The following SLC22A23 variants were observed in gnomAD, a reference collection of about 807,000 sequenced individuals.
The protein encoded by SLC22A23 is ion transporter protein.
Under a neutral mutation model 61.0 loss-of-function variants are expected in SLC22A23, and 26 were observed. That is an observed-to-expected ratio of 0.43 (90% CI 0.31 to 0.59). The LOEUF (loss-of-function observed/expected upper bound fraction) is 0.59. Among genes scored for constraint, SLC22A23 ranks in the 20% least tolerant of loss-of-function variants. The probability of loss-of-function intolerance (pLI) is 0.11; values close to 1 mark genes in which losing one functional copy is unlikely to be tolerated. For synonymous variants in SLC22A23, 430 were observed against 413.9 expected (o/e 1.04, Z -0.47); for missense variants, 796 against 934.7 (o/e 0.85, Z 1.94).
intron 1 of SLC22A23, among the ~76,000 whole-genome samples, chr6:3,451,357 C>G (rs1772148306): frequency 6.6e-6 from 1 of 152,144 alleles, no homozygotes; most frequent in Non-Finnish European, 1.5e-5. Flanking sequence ...CCACCACGCC[C>G]AGCTAATTTT....
chr6:3,456,457 A>C lies in SLC22A23; in HGVS notation c.103T>G (p.Ser35Ala), dbSNP rs2127562917. ...CCCGCGCGTCCCCCGAGGGGCGCCG[A>C]GGCCGCCGCGTCCCCGGGCGGCAGG... The part of the protein sequence containing the change: ...GSLPPGDAAA[S>A]APLGGRAGPG... Residue 35 changes from serine to alanine, a missense_variant, in exon 1 of 10, where the codon TCG becomes GCG. Transcript: ENST00000406686. The surrounding 1 kb of genome is among the most constrained non-coding windows in gnomAD (Gnocchi z 7.1). The C allele has an allele frequency of 1.7e-6, 2 of 1,211,384 alleles. No individual in the cohort carries two copies. Among genetic ancestry groups the C allele is most frequent in the African/African-American group, 3.2e-5 (2 of 62,384 alleles). 75.0% of individuals were successfully genotyped at this position (1,211,384 alleles called of 1,614,324 possible). A position where few individuals can be genotyped will look rare whatever the true frequency, so the allele number is the denominator to read the frequency against.
rs755995132 is a variant in SLC22A23, at chr6:3,372,109, G to A, written c.913+38079C>T. On this transcript the variant is annotated intron_variant, in intron 3 of 9. Transcript: ENST00000406686. This position sits in a 1 kb window ranked among gnomAD's most constrained non-coding sequence, Gnocchi z 4.7. ...CATGCTTAAACAGCTAGAAGCATCCGTGCTGAGGCCATGAACCTGGGCAAC... is the reference window on the plus strand; with the variant it reads ...CATGCTTAAACAGCTAGAAGCATCCATGCTGAGGCCATGAACCTGGGCAAC... Among the ~76,000 whole-genome samples, 5 of 152,208 alleles carry A rather than the reference G, an allele frequency of 3.3e-5. No homozygotes were observed. Among genetic ancestry groups the A allele is most frequent in the Non-Finnish European group, 5.9e-5 (4 of 68,040 alleles).
Position 3,286,177 on chromosome 6 carries a change from C to T in SLC22A23, c.1546+682G>A, listed in dbSNP as rs1759984662. On this transcript the variant is annotated intron_variant, in intron 7 of 9. Transcript: ENST00000406686. This position sits in a 1 kb window ranked among gnomAD's most constrained non-coding sequence, Gnocchi z 4.2. Reference sequence around the variant, plus strand: ...GCAGTGCTGCGATCTCAGCTTACTGCAACCTCTGCCTCCCAAGTTCAAGTG... The same window carrying T: ...GCAGTGCTGCGATCTCAGCTTACTGTAACCTCTGCCTCCCAAGTTCAAGTG... Among the ~76,000 whole-genome samples, 1 of 151,540 alleles carries T rather than the reference C, an allele frequency of 6.6e-6. No homozygotes were observed. Among genetic ancestry groups the T allele is most frequent in the East Asian group, 1.9e-4 (1 of 5,174 alleles).
rs997005213 is a variant in SLC22A23, at chr6:3,404,904, T to C, written c.913+5284A>G. 2.6e-5 allele frequency among the ~76,000 whole-genome samples: 4 copies of C among 152,068 alleles called. No individual in the cohort carries two copies. The East Asian group carries it at 7.7e-4, about 29-fold the overall frequency. ...ATGGAGAGACCTCAATCTGCTCCGATTTCCCTGTTGTGCCCATCTGAACCT... is the reference window on the plus strand; with the variant it reads ...ATGGAGAGACCTCAATCTGCTCCGACTTCCCTGTTGTGCCCATCTGAACCT... On this transcript the variant is annotated intron_variant, in intron 3 of 9. Coordinates refer to ENST00000406686, the MANE Select transcript of SLC22A23 (RefSeq NM_015482.2).
intron 1 of SLC22A23, chr6:3,444,742 T>A (rs1771796536): frequency 1.1e-6 from 1 of 950,882 alleles, no homozygotes; most frequent in Non-Finnish European, 1.3e-6. Flanking sequence ...CTTAGACACA[T>A]AAACCCTGTA....
At chr6:3,287,674 TG>T (rs147779042) in intron 6 of SLC22A23, among the ~76,000 whole-genome samples, 3,286 of 61,450 alleles carry the variant, frequency 0.053, 119 homozygotes, top group African/African-American at 0.11. Context: ...CACAGGAAAC[TG>T]TTTTTTTTTT....
At chr6:3,418,049 T>C (rs1769849589) in intron 1 of SLC22A23, among the ~76,000 whole-genome samples, 1 of 152,224 alleles carries the variant, frequency 6.6e-6, no homozygotes, top group Admixed American at 6.5e-5. Flanking sequence ...TAAATCACAG[T>C]GGGTGCACAT....
Position 3,283,940 on chromosome 6 carries a change from C to T in SLC22A23, c.1615G>A (p.Ala539Thr), listed in dbSNP as rs149762554. 45 of 1,607,736 alleles carry T rather than the reference C, an allele frequency of 2.8e-5. No homozygotes were observed. The African/African-American group carries it at 4.7e-4, about 17-fold the overall frequency. Reference protein sequence around the residue: ...SDSVKDKFSIAFSIVGMFASH... With the variant: ...SDSVKDKFSITFSIVGMFASH... The stretch of plus-strand genomic sequence containing the variant: ...GCAAACATGCCCACGATGGAAAACG[C>T]GATGGAAAATTTGTCCTTGACGCTG... The change falls in exon 9 of 10, where the codon GCG becomes ACG. Residue 539 changes from alanine to threonine, a missense_variant. Transcript: ENST00000406686.
chr6:3,296,357 C>T lies in SLC22A23; in HGVS notation c.1210+1734G>A, dbSNP rs114890064. 8.7e-3 allele frequency among the ~76,000 whole-genome samples: 1,331 copies of T among 152,346 alleles called. 26 individuals are homozygous for T. The highest frequency in any genetic ancestry group is 0.029 in the African/African-American group (1,195 of 41,582). ...TTTGCACCCCTGCTGGACAAGTCCT[C>T]GCTCAACTTCTTAGCAGCTGTGTGA... On this transcript the variant is annotated intron_variant, in intron 5 of 9. Coordinates refer to ENST00000406686, the MANE Select transcript of SLC22A23 (RefSeq NM_015482.2).
intron 3 of SLC22A23, among the ~76,000 whole-genome samples, chr6:3,384,500 GA>G (rs1251375988): frequency 6.6e-6 from 1 of 152,110 alleles, no homozygotes; most frequent in African/African-American, 2.4e-5. Context: ...ATGATACAAA[GA>G]AAATAAATCA....
At chr6:3,314,220 C>T (rs1762509772) in intron 4 of SLC22A23, among the ~76,000 whole-genome samples, 2 of 152,240 alleles carry the variant, frequency 1.3e-5, no homozygotes, top group Non-Finnish European at 2.9e-5. Context: ...GAGGATTCCT[C>T]CCAGGACAGA....
chr6:3,330,922 C>A lies in SLC22A23; in HGVS notation c.914-6920G>T, dbSNP rs1763548062. 6.6e-6 allele frequency among the ~76,000 whole-genome samples: 1 copy of A among 152,216 alleles called. No individual in the cohort carries two copies. The highest frequency in any genetic ancestry group is 1.5e-5 in the Non-Finnish European group (1 of 68,036). On this transcript the variant is annotated intron_variant, in intron 3 of 9. Transcript: ENST00000406686. The surrounding 1 kb of genome is among the most constrained non-coding windows in gnomAD (Gnocchi z 4.7). ...CATGTAGACATAGGCATTAAATGCT[C>A]AAATGCAGAAATACTGAATTAACTA...
intron 3 of SLC22A23, among the ~76,000 whole-genome samples, chr6:3,365,670 G>A (rs1765762624): frequency 6.6e-6 from 1 of 152,122 alleles, no homozygotes; most frequent in Non-Finnish European, 1.5e-5. Flanking sequence ...GGATTTTCCA[G>A]GAGAATCCTA....
At chr6:3,364,571 T>C (rs1765682522) in intron 3 of SLC22A23, among the ~76,000 whole-genome samples, 2 of 152,198 alleles carry the variant, frequency 1.3e-5, no homozygotes, top group South Asian at 2.1e-4. Flanking sequence ...GGCATCTAAA[T>C]TCAACACAGA....
chr6:3,371,756 C>T (rs1479541476), intron 3 of SLC22A23, among the ~76,000 whole-genome samples: 1 of 152,160 alleles, frequency 6.6e-6, no homozygotes, highest in Non-Finnish European at 1.5e-5. Flanking sequence ...TAACAACTAA[C>T]CCTCCTGAAC....
Position 3,390,802 on chromosome 6 carries a change from G to A in SLC22A23, c.913+19386C>T, listed in dbSNP as rs1010885930. 2.0e-5 allele frequency among the ~76,000 whole-genome samples: 3 copies of A among 152,158 alleles called. No individual in the cohort carries two copies. The highest frequency in any genetic ancestry group is 2.1e-4 in the South Asian group (1 of 4,824). ...CTAAACATCAGTCTCAGGCCCTACA[G>A]GCTTCAATAATATGCTGCCTATCTG... On this transcript the variant is annotated intron_variant, in intron 3 of 9. Coordinates refer to ENST00000406686, the MANE Select transcript of SLC22A23 (RefSeq NM_015482.2). The surrounding 1 kb of genome is among the most constrained non-coding windows in gnomAD (Gnocchi z 4.0).
chr6:3,283,648 C>T, intron 9 of SLC22A23: 1 of 673,522 alleles, frequency 1.5e-6, no homozygotes, highest in African/African-American at 1.8e-5. Context: ...GCTGCCTGGA[C>T]AGGACCCCAG....
Position 3,410,444 on chromosome 6 carries a change from G to A in SLC22A23, c.759-102C>T. 1.6e-6 allele frequency: 2 copies of A among 1,273,118 alleles called. No homozygotes were observed. The highest frequency in any genetic ancestry group is 1.5e-5 in the African/African-American group (1 of 66,368). The allele number at this position is 1,273,118 out of a possible 1,614,324, so 78.9% of individuals were successfully genotyped here. A position where few individuals can be genotyped will look rare whatever the true frequency, so the allele number is the denominator to read the frequency against. ...AGCAGGCACTCAATATATGTTGAAT[G>A]AGTACTGGGTAAAAAGTCCTGTGCC... On this transcript the variant is annotated intron_variant, in intron 2 of 9. Transcript: ENST00000406686. This position sits in a 1 kb window ranked among gnomAD's most constrained non-coding sequence, Gnocchi z 5.0.
chr6:3,288,278 C>G (rs1277795024), intron 6 of SLC22A23, among the ~76,000 whole-genome samples: 3 of 152,198 alleles, frequency 2.0e-5, no homozygotes, highest in African/African-American at 7.2e-5. Context: ...CCTTCTCTCC[C>G]CAAACACCCT....
Sources: gnomAD v4.1 joint callset for allele counts (sites outside exome capture counted in the v4.1 genomes callset) on GRCh38, gnomAD v4.1.1 for gene constraint, Gnocchi (gnomAD v3.1) non-coding constraint, MANE v1.5 for transcripts, NCBI Gene and HGNC (gene_info 2026-07-23, HGNC 2026-07-21) for gene names.